Variants in L3MBTL4 observed in about 807,000 individuals in gnomAD.
L3MBTL4 encodes lethal(3)malignant brain tumor-like protein 4.
In L3MBTL4, 70 loss-of-function variants were observed where a neutral mutation model predicts 84.5. That is an observed-to-expected ratio of 0.83 (90% CI 0.68 to 1.01). L3MBTL4 has a LOEUF of 1.01. Among genes scored for constraint, L3MBTL4 ranks in the 50% least tolerant of loss-of-function variants. The probability of loss-of-function intolerance (pLI) is 0.00; values close to 1 mark genes in which losing one functional copy is unlikely to be tolerated. For synonymous variants in L3MBTL4, 274 were observed against 259.8 expected (o/e 1.05, Z -0.52); for missense variants, 715 against 754.8 (o/e 0.95, Z 0.62).
chr18:5,961,220 C>A (rs1013181409), intron 17 of L3MBTL4, among the ~76,000 whole-genome samples: 1 of 152,230 alleles, frequency 6.6e-6, no homozygotes, highest in African/African-American at 2.4e-5. Context: ...GTTATCAACA[C>A]GTCCCACCCT....
intron 16 of L3MBTL4, among the ~76,000 whole-genome samples, chr18:6,072,882 AT>A (rs1341986212): frequency 0.13 from 2,191 of 16,654 alleles, 645 homozygotes; most frequent in African/African-American, 0.21. Flanking sequence ...AAAAAAAAAA[AT>A]ATATATATAT....
chr18:6,152,448 C>T (rs181550433), intron 13 of L3MBTL4, among the ~76,000 whole-genome samples: 1 of 152,238 alleles, frequency 6.6e-6, no homozygotes, highest in Non-Finnish European at 1.5e-5. Flanking sequence ...TAGGTGATAT[C>T]TCACTGTAGT....
intron 15 of L3MBTL4, among the ~76,000 whole-genome samples, chr18:6,083,930 G>A (rs2143370042): frequency 1.3e-5 from 2 of 152,168 alleles, no homozygotes; most frequent in South Asian, 4.2e-4. Flanking sequence ...TGGAAGAAAG[G>A]GCCTGCATCC....
At chr18:6,320,970 A>G (rs2051372829) in intron 1 of L3MBTL4, among the ~76,000 whole-genome samples, 1 of 152,036 alleles carries the variant, frequency 6.6e-6, no homozygotes, top group Admixed American at 6.6e-5. Flanking sequence ...ATACAAAAAC[A>G]TAACTGGGGA....
chr18:6,358,245 T>C (rs1407597719), intron 1 of L3MBTL4, among the ~76,000 whole-genome samples: 1 of 152,180 alleles, frequency 6.6e-6, no homozygotes, highest in Non-Finnish European at 1.5e-5. Context: ...AATAAACTTG[T>C]GATGAAAAAG....
At chr18:6,293,062 C>T (rs1324162103) in intron 4 of L3MBTL4, among the ~76,000 whole-genome samples, 1 of 152,186 alleles carries the variant, frequency 6.6e-6, no homozygotes, top group African/African-American at 2.4e-5. Flanking sequence ...GTGCATACCC[C>T]AACTATAGTG....
intron 1 of L3MBTL4, among the ~76,000 whole-genome samples, chr18:6,345,501 A>G (rs1421194230): frequency 1.3e-5 from 2 of 152,198 alleles, no homozygotes; most frequent in Non-Finnish European, 2.9e-5. Context: ...TATGAAACCA[A>G]CATACAAAAA....
At chr18:6,198,363 A>C (rs2045500286) in intron 12 of L3MBTL4, among the ~76,000 whole-genome samples, 1 of 152,196 alleles carries the variant, frequency 6.6e-6, no homozygotes, top group Non-Finnish European at 1.5e-5. Flanking sequence ...AGAACACTAC[A>C]TCGAAACCCA....
chr18:6,066,055 C>A (rs1322347984), intron 16 of L3MBTL4, among the ~76,000 whole-genome samples: 3 of 152,022 alleles, frequency 2.0e-5, no homozygotes, highest in Non-Finnish European at 4.4e-5. Context: ...TAAGTTCTGT[C>A]ATTATTATCA....
Position 6,244,587 on chromosome 18 carries a change from T to A in L3MBTL4, c.221A>T (p.Asp74Val), listed in dbSNP as rs1423770613. 6.2e-7 allele frequency: 1 copy of A among 1,606,440 alleles called. No homozygotes were observed. The highest frequency in any genetic ancestry group is 1.7e-5 in the Admixed American group (1 of 59,926). ...VAAPVELFSK[D>V]QSFPEHENGF... is the part of the protein sequence containing the mutation. ...ATTTTCATGCTCTGGAAAGGACTGATCCTACAAAATTTCACGACATAACAT... is the reference window on the plus strand; with the variant it reads ...ATTTTCATGCTCTGGAAAGGACTGAACCTACAAAATTTCACGACATAACAT... Residue 74 changes from aspartate (D) to valine (V), a missense_variant and splice_region_variant, in exon 6 of 19, where the codon GAT (aspartate) becomes GTT (valine). Coordinates refer to ENST00000317931, the MANE Select transcript of L3MBTL4 (RefSeq NM_001330559.2).
intron 14 of L3MBTL4, among the ~76,000 whole-genome samples, chr18:6,120,955 C>T (rs988292247): frequency 2.6e-5 from 4 of 152,154 alleles, no homozygotes; most frequent in East Asian, 1.9e-4. Flanking sequence ...GGTGAGCTGA[C>T]GCACGTACTT....
At chr18:6,028,789 A>G (rs2055637304) in intron 16 of L3MBTL4, among the ~76,000 whole-genome samples, 1 of 152,184 alleles carries the variant, frequency 6.6e-6, no homozygotes. Context: ...CATTGTAGCA[A>G]TTGTGAATGG....
chr18:6,024,557 T>G (rs932946727), intron 16 of L3MBTL4, among the ~76,000 whole-genome samples: 6 of 152,192 alleles, frequency 3.9e-5, no homozygotes, highest in Non-Finnish European at 8.8e-5. Flanking sequence ...ATATGCAAAC[T>G]TCCTACTTTC....
chr18:6,414,977 C>G (rs777022175), upstream of L3MBTL4: 1 of 151,420 alleles, frequency 6.6e-6, no homozygotes, highest in Non-Finnish European at 1.5e-5. This position sits in a 1 kb window ranked among gnomAD's most constrained non-coding sequence, Gnocchi z 5.4. Flanking sequence ...GCCCGCCCCG[C>G]GCGCATGCTC....
At chr18:6,271,903 C>G (rs534730877) in intron 4 of L3MBTL4, among the ~76,000 whole-genome samples, 50 of 152,188 alleles carry the variant, frequency 3.3e-4, no homozygotes, top group African/African-American at 1.2e-3. Context: ...AGGGTGTCAC[C>G]GGGACCGCAG....
rs947040693 is a variant in L3MBTL4, at chr18:6,179,240, A to C, written c.982-7298T>G. 2.0e-5 allele frequency among the ~76,000 whole-genome samples: 3 copies of C among 152,200 alleles called. No individual in the cohort carries two copies. In the South Asian group the frequency reaches 6.2e-4, roughly 31 times the overall value. ...GTCAGAGTCCTCAAATCTATTTTACATGCTTATGGCAAACAAATTGTAAGC... is the reference window on the plus strand; with the variant it reads ...GTCAGAGTCCTCAAATCTATTTTACCTGCTTATGGCAAACAAATTGTAAGC... On this transcript the variant is annotated intron_variant, in intron 12 of 18. Coordinates refer to ENST00000317931, the MANE Select transcript of L3MBTL4 (RefSeq NM_001330559.2).
At chr18:5,983,882 T>A (rs1469273999) in intron 16 of L3MBTL4, among the ~76,000 whole-genome samples, 2 of 152,152 alleles carry the variant, frequency 1.3e-5, no homozygotes, top group East Asian at 3.9e-4. Flanking sequence ...TGTGTCATAT[T>A]TTATTCTAAC....
intron 16 of L3MBTL4, among the ~76,000 whole-genome samples, chr18:6,060,116 T>C (rs1454282677): frequency 6.6e-6 from 1 of 152,168 alleles, no homozygotes; most frequent in Admixed American, 6.6e-5. Flanking sequence ...TTATAATAGA[T>C]ATTTAATTTT....
chr18:6,193,127 G>C (rs745908174), intron 12 of L3MBTL4, among the ~76,000 whole-genome samples: 2 of 152,000 alleles, frequency 1.3e-5, no homozygotes, highest in African/African-American at 2.4e-5. Flanking sequence ...GCCCACAACA[G>C]GGGTCAGTGG....
Sources: gnomAD v4.1 joint callset for allele counts (sites outside exome capture counted in the v4.1 genomes callset) on GRCh38, gnomAD v4.1.1 for gene constraint, Gnocchi (gnomAD v3.1) non-coding constraint, MANE v1.5 for transcripts, NCBI Gene and HGNC (gene_info 2026-07-23, HGNC 2026-07-21) for gene names.